Variants in C14orf132 observed in about 807,000 individuals in gnomAD.
C14orf132 encodes the protein uncharacterized protein C14orf132.
C14orf132 carries 6 observed loss-of-function variants against 5.8 expected under a neutral mutation model. That is an observed-to-expected ratio of 1.03 (90% CI 0.57 to 2.04). C14orf132 has a LOEUF of 2.04. Ranked by LOEUF, C14orf132 falls within the 30% of genes most tolerant of loss-of-function variation. C14orf132 has a pLI of 0.00. For missense variants in C14orf132, 125 were observed against 115.8 expected (o/e 1.08, Z -0.37); for synonymous variants, 51 against 49.8 (o/e 1.02, Z -0.10).
intron 1 of C14orf132, among the ~76,000 whole-genome samples, chr14:96,067,235 G>A (rs1214244667): frequency 6.6e-6 from 1 of 152,176 alleles, no homozygotes; most frequent in Non-Finnish European, 1.5e-5. Flanking sequence ...CAGCAGCAAG[G>A]TGGCCGCGTG....
intron 1 of C14orf132, chr14:96,040,230 C>T: frequency 5.1e-6 from 2 of 390,332 alleles, no homozygotes; most frequent in Non-Finnish European, 9.0e-6. Flanking sequence ...GAGTTCTGAG[C>T]TTGGGTGATG....
intron 1 of C14orf132, among the ~76,000 whole-genome samples, chr14:96,082,257 A>T (rs1185228826): frequency 6.6e-6 from 1 of 152,142 alleles, no homozygotes; most frequent in Non-Finnish European, 1.5e-5. Context: ...GCATCTTTAA[A>T]AGTGGCTAAA....
intron 1 of C14orf132, among the ~76,000 whole-genome samples, chr14:96,054,329 G>T (rs374719614): frequency 9.5e-4 from 144 of 152,276 alleles, no homozygotes; most frequent in African/African-American, 3.1e-3. Flanking sequence ...CCCAGCCACG[G>T]CATTCTCATT....
intron 1 of C14orf132, among the ~76,000 whole-genome samples, chr14:96,058,824 G>A (rs1363295259): frequency 6.6e-6 from 1 of 152,238 alleles, no homozygotes; most frequent in Non-Finnish European, 1.5e-5. Context: ...GCTGGGAACA[G>A]CTCGGGGGCT....
In C14orf132 at chr14:96,090,395, AAAAAAAAAAAGAAAAG is replaced by A. The variant is rs1375470767; in HGVS notation, c.*3671_*3686del. On this transcript the variant is annotated 3_prime_UTR_variant, in exon 2 of 2. Coordinates refer to ENST00000555004, the MANE Select transcript of C14orf132 (RefSeq NM_001252507.3). ...AACAGAACGAGACTCTGTCTCAAAA[AAAAAAAAAAAGAAAAG>A]AAAAAAAAAAAGAGCAACTTACTGC... 1.0e-5 allele frequency: 3 copies of A among 295,334 alleles called. No homozygotes were observed. The highest frequency in any genetic ancestry group is 3.2e-5 in the South Asian group (1 of 31,216). 18.3% of individuals were successfully genotyped at this position (295,334 alleles called of 1,614,324 possible). A position where few individuals can be genotyped will look rare whatever the true frequency, so the allele number is the denominator to read the frequency against.
chr14:96,063,584 C>T (rs2139661238), intron 1 of C14orf132, among the ~76,000 whole-genome samples: 1 of 152,252 alleles, frequency 6.6e-6, no homozygotes, highest in East Asian at 1.9e-4. Context: ...GCTGGGATTG[C>T]AGGGGTGAGC....
At chr14:96,054,827 A>G (rs1887132048) in intron 1 of C14orf132, among the ~76,000 whole-genome samples, 1 of 152,192 alleles carries the variant, frequency 6.6e-6, no homozygotes, top group Non-Finnish European at 1.5e-5. Context: ...AATTCAGGAA[A>G]ATCTATTACC....
At chr14:96,045,371 G>A (rs1886803409) in intron 1 of C14orf132, among the ~76,000 whole-genome samples, 1 of 152,250 alleles carries the variant, frequency 6.6e-6, no homozygotes, top group Non-Finnish European at 1.5e-5. Context: ...TGTGCACAAA[G>A]GCAAGAAGGC....
intron 1 of C14orf132, among the ~76,000 whole-genome samples, chr14:96,069,640 C>T (rs973149908): frequency 4.0e-5 from 6 of 151,412 alleles, no homozygotes; most frequent in African/African-American, 1.5e-4. Context: ...GCCTCCTGCA[C>T]TGGCTTCAAA....
chr14:96,056,990 T>A (rs1887203054), intron 1 of C14orf132, among the ~76,000 whole-genome samples: 1 of 152,160 alleles, frequency 6.6e-6, no homozygotes, highest in African/African-American at 2.4e-5. Flanking sequence ...GTATGCTCCA[T>A]CTAATCAGGG....
In C14orf132 at chr14:96,090,947, C is replaced by G. The variant is rs1193302307; in HGVS notation, c.*4212C>G. 4.4e-6 allele frequency: 2 copies of G among 455,992 alleles called. No homozygotes were observed. The highest frequency in any genetic ancestry group is 4.0e-5 in the African/African-American group (2 of 50,076). 28.2% of individuals were successfully genotyped at this position (455,992 alleles called of 1,614,324 possible). On this transcript the variant is annotated 3_prime_UTR_variant, in exon 2 of 2. Coordinates refer to ENST00000555004, the MANE Select transcript of C14orf132 (RefSeq NM_001252507.3). ...TTCATTATTAGCAGTAATATTATTC[C>G]CAGTTATTATTCTTACCGGTGCCAG...
intron 1 of C14orf132, among the ~76,000 whole-genome samples, chr14:96,058,804 C>T (rs968004018): frequency 1.3e-5 from 2 of 152,224 alleles, no homozygotes; most frequent in African/African-American, 4.8e-5. Flanking sequence ...GTAGGGCTGC[C>T]ACTGGCAGGG....
At position 96,056,318 on chromosome 14, in the gene C14orf132, C is replaced by T. The variant is rs538174907; in HGVS notation, c.27+16791C>T. 4.2e-4 allele frequency among the ~76,000 whole-genome samples: 64 copies of T among 152,304 alleles called. 1 individual carries two copies. Among genetic ancestry groups the T allele is most frequent in the African/African-American group, 1.5e-3 (63 of 41,560 alleles). On this transcript the variant is annotated intron_variant, in intron 1 of 1. Coordinates refer to ENST00000555004, the MANE Select transcript of C14orf132 (RefSeq NM_001252507.3). ...GGGAATACAGAACTGCCCAGGGCGG[C>T]CTGCAAGGGGGTCAGGGTGGTCAGC...
chr14:96,067,077 A>C (rs1887553369), intron 1 of C14orf132, among the ~76,000 whole-genome samples: 1 of 152,224 alleles, frequency 6.6e-6, no homozygotes, highest in African/African-American at 2.4e-5. Context: ...TACAGCAGCC[A>C]GTCTCAGAGC....
At chr14:96,064,393 C>CACACACACAT (rs771778523) in intron 1 of C14orf132, among the ~76,000 whole-genome samples, 105 of 146,390 alleles carry the variant, frequency 7.2e-4, no homozygotes, top group African/African-American at 2.6e-3. Flanking sequence ...CACACACACA[C>CACACACACAT]ATATACATAT....
chr14:96,077,490 C>T (rs1394978135), intron 1 of C14orf132, among the ~76,000 whole-genome samples: 4 of 152,146 alleles, frequency 2.6e-5, no homozygotes, highest in Admixed American at 1.3e-4. Context: ...GAAATTAGGA[C>T]ACGGACATGC....
At chr14:96,040,621 C>T (rs1886665396) in intron 1 of C14orf132, among the ~76,000 whole-genome samples, 1 of 152,090 alleles carries the variant, frequency 6.6e-6, no homozygotes, top group African/African-American at 2.4e-5. Context: ...GTGTGGACAG[C>T]GAGTCTGCAA....
chr14:96,079,862 A>G (rs1417930396), intron 1 of C14orf132, among the ~76,000 whole-genome samples: 2 of 152,240 alleles, frequency 1.3e-5, no homozygotes, highest in Non-Finnish European at 2.9e-5. Context: ...GCTAGTTTTT[A>G]GATTAGCCAC....
chr14:96,055,629 G>C (rs560127508), intron 1 of C14orf132, among the ~76,000 whole-genome samples: 6 of 152,096 alleles, frequency 3.9e-5, no homozygotes, highest in Non-Finnish European at 8.8e-5. Context: ...CTGATCCTCC[G>C]TTTTCCGCAG....
Sources: gnomAD v4.1 joint callset for allele counts (sites outside exome capture counted in the v4.1 genomes callset) on GRCh38, gnomAD v4.1.1 for gene constraint, MANE v1.5 for transcripts, NCBI Gene and HGNC (gene_info 2026-07-23, HGNC 2026-07-21) for gene names.